The following PRKCE variants were observed in gnomAD, a reference collection of about 807,000 sequenced individuals.
PRKCE encodes the protein protein kinase C epsilon type.
A neutral mutation model predicts 85.4 loss-of-function variants in PRKCE; 16 were observed. The observed-to-expected ratio is 0.19, with a 90% CI of 0.13 to 0.28. The LOEUF is 0.28. Among genes scored for constraint, PRKCE ranks in the 10% least tolerant of loss-of-function variants. The probability of loss-of-function intolerance (pLI) is 1.00; values close to 1 mark genes in which losing one functional copy is unlikely to be tolerated. For missense variants in PRKCE, 573 were observed against 975.2 expected, an observed-to-expected ratio of 0.59 and a Z score of 5.49; for synonymous variants, 388 against 371.5, an observed-to-expected ratio of 1.04 and a Z score of -0.51.
intron 1 of PRKCE, among the ~76,000 whole-genome samples, chr2:45,679,900 C>G (rs988092907): frequency 2.6e-5 from 4 of 152,202 alleles, no homozygotes; most frequent in African/African-American, 7.2e-5. Flanking sequence ...CCTTGTAGAG[C>G]AAAGGGCATG....
intron 10 of PRKCE, among the ~76,000 whole-genome samples, chr2:46,082,840 G>T (rs1669225038): frequency 6.6e-6 from 1 of 152,210 alleles, no homozygotes. Context: ...ATAACTGCTG[G>T]AATAGCATCT....
chr2:45,698,961 T>TG (rs1164956416), intron 1 of PRKCE, among the ~76,000 whole-genome samples: 1 of 151,882 alleles, frequency 6.6e-6, no homozygotes, highest in Non-Finnish European at 1.5e-5. Context: ...TGCCAAGGAG[T>TG]GGTAAGAGAT....
intron 2 of PRKCE, among the ~76,000 whole-genome samples, chr2:45,874,185 A>G (rs561754268): frequency 1.3e-5 from 2 of 152,280 alleles, no homozygotes; most frequent in South Asian, 4.1e-4. Flanking sequence ...CCAAACTTCC[A>G]TCTCTCACAC....
intron 2 of PRKCE, among the ~76,000 whole-genome samples, chr2:45,872,410 T>C (rs1284517129): frequency 6.6e-6 from 1 of 152,182 alleles, no homozygotes; most frequent in Non-Finnish European, 1.5e-5. Flanking sequence ...CAGTTAGGAC[T>C]CTGACCTTGG....
chr2:46,010,653 G>A (rs780236558), intron 10 of PRKCE, 136 bp downstream of exon 10: 1 of 1,599,080 alleles, frequency 6.3e-7, no homozygotes, highest in Admixed American at 1.7e-5. Context: ...GAAAAGATCA[G>A]GATGTATTTG....
At chr2:45,992,957 C>A (rs1261468274) in intron 6 of PRKCE, among the ~76,000 whole-genome samples, 3 of 152,184 alleles carry the variant, frequency 2.0e-5, no homozygotes, top group Non-Finnish European at 4.4e-5. Flanking sequence ...TAGAAGAGCG[C>A]TTCTCTTTTT....
chr2:45,716,775 T>G, intron 1 of PRKCE, among the ~76,000 whole-genome samples: 1 of 151,740 alleles, frequency 6.6e-6, no homozygotes, highest in Non-Finnish European at 1.5e-5. Context: ...TTATAAAGAA[T>G]AGAGGTTTAA....
At chr2:46,118,396 C>T (rs1303841804) in intron 11 of PRKCE, among the ~76,000 whole-genome samples, 3 of 152,162 alleles carry the variant, frequency 2.0e-5, no homozygotes, top group South Asian at 4.1e-4. Context: ...GAGGTTTTCA[C>T]AGCTTTTCCA....
At chr2:45,987,674 G>A (rs1200328897) in intron 6 of PRKCE, among the ~76,000 whole-genome samples, 1 of 152,016 alleles carries the variant, frequency 6.6e-6, no homozygotes. Context: ...ATCACTCACA[G>A]TCTGTGGTTT....
At chr2:45,999,176 C>T (rs1265206080) in intron 6 of PRKCE, among the ~76,000 whole-genome samples, 2 of 152,110 alleles carry the variant, frequency 1.3e-5, no homozygotes, top group Non-Finnish European at 2.9e-5. Flanking sequence ...CCTTTCTTTA[C>T]CTGCTCTCTT....
chr2:45,970,433 A>G (rs2104489041), intron 2 of PRKCE, among the ~76,000 whole-genome samples: 1 of 152,268 alleles, frequency 6.6e-6, no homozygotes, highest in African/African-American at 2.4e-5. Context: ...TTGCCATTTA[A>G]TCAGAAACTA....
At chr2:46,021,256 G>C (rs554862600) in intron 10 of PRKCE, among the ~76,000 whole-genome samples, 11 of 152,208 alleles carry the variant, frequency 7.2e-5, no homozygotes, top group Non-Finnish European at 1.5e-4. Context: ...AAGTTGTGGA[G>C]TTCTTACTCT....
chr2:46,064,706 T>C (rs1369385294), intron 10 of PRKCE, among the ~76,000 whole-genome samples: 1 of 152,230 alleles, frequency 6.6e-6, no homozygotes, highest in African/African-American at 2.4e-5. Context: ...AATGCCTCAT[T>C]GGCCTAAAAC....
At chr2:46,085,628 T>C (rs2103894407) in intron 10 of PRKCE, among the ~76,000 whole-genome samples, 1 of 116,468 alleles carries the variant, frequency 8.6e-6, no homozygotes, top group African/African-American at 3.4e-5. Flanking sequence ...GGTCTTCCTC[T>C]ACCTGCCTCT....
intron 1 of PRKCE, among the ~76,000 whole-genome samples, chr2:45,773,756 C>T (rs751636419): frequency 6.6e-6 from 1 of 152,182 alleles, no homozygotes; most frequent in Non-Finnish European, 1.5e-5. Context: ...CTGTTTGCCC[C>T]ACAGCAGCCT....
intron 11 of PRKCE, among the ~76,000 whole-genome samples, chr2:46,092,007 C>A (rs1251206437): frequency 6.6e-6 from 1 of 152,208 alleles, no homozygotes; most frequent in Non-Finnish European, 1.5e-5. Flanking sequence ...TTTTCTTCAT[C>A]AAACTCATAA....
intron 1 of PRKCE, among the ~76,000 whole-genome samples, chr2:45,744,296 GT>G (rs757158412): frequency 4.6e-5 from 7 of 152,168 alleles, no homozygotes; most frequent in Non-Finnish European, 7.4e-5. Flanking sequence ...TGTAGGTATT[GT>G]TTTCCAAAAA....
intron 1 of PRKCE, among the ~76,000 whole-genome samples, chr2:45,818,101 G>A (rs917419791): frequency 4.6e-5 from 7 of 152,224 alleles, no homozygotes; most frequent in Admixed American, 3.3e-4. Flanking sequence ...GGATAGGCAA[G>A]GGGAATTTCA....
chr2:45,957,228 GT>G (rs1260859181), intron 2 of PRKCE, among the ~76,000 whole-genome samples: 1 of 152,262 alleles, frequency 6.6e-6, no homozygotes, highest in African/African-American at 2.4e-5. Context: ...GATTTTTTGT[GT>G]TTTCCTCCAC....
Sources: allele counts gnomAD v4.1 joint callset (sites outside exome capture counted in the v4.1 genomes callset), GRCh38; gene constraint gnomAD v4.1.1; transcripts MANE v1.5; gene names NCBI Gene and HGNC (gene_info 2026-07-23, HGNC 2026-07-21).